PHLDB2: variants seen among roughly 807,000 people sequenced by gnomAD.
The protein encoded by PHLDB2 is pleckstrin homology-like domain family B member 2.
PHLDB2 carries 71 observed loss-of-function variants against 123.6 expected under a neutral mutation model. The observed-to-expected ratio is 0.57, with a 90% confidence interval of 0.47 to 0.70. The LOEUF is 0.70. Ranked by LOEUF, PHLDB2 falls within the 30% of genes least tolerant of loss-of-function variation. The pLI is 0.00. For missense variants in PHLDB2, 1,446 were observed against 1,519.5 expected, an observed-to-expected ratio of 0.95 and a Z score of 0.80; for synonymous variants, 547 against 541.6, an observed-to-expected ratio of 1.01 and a Z score of -0.14.
chr3:111,838,495 G>A (rs2063518852), intron 1 of PHLDB2, among the ~76,000 whole-genome samples: 1 of 152,122 alleles, frequency 6.6e-6, no homozygotes, highest in Admixed American at 6.6e-5. Context: ...GCACAGCATG[G>A]AAGTTACTTA....
At chr3:111,810,530 C>T (rs911403664) in intron 1 of PHLDB2, among the ~76,000 whole-genome samples, 6 of 152,094 alleles carry the variant, frequency 3.9e-5, no homozygotes, top group African/African-American at 1.4e-4. Context: ...GAAGAGAGGG[C>T]TCTGTCTGTC....
intron 1 of PHLDB2, among the ~76,000 whole-genome samples, chr3:111,749,763 T>C (rs1271458689): frequency 6.6e-6 from 1 of 152,248 alleles, no homozygotes; most frequent in African/African-American, 2.4e-5. Flanking sequence ...TTAACAATAG[T>C]ATCCTTGTTG....
chr3:111,826,593 A>G (rs2062663561), intron 1 of PHLDB2, among the ~76,000 whole-genome samples: 1 of 152,228 alleles, frequency 6.6e-6, no homozygotes, highest in African/African-American at 2.4e-5. Flanking sequence ...TACATTTTCT[A>G]TCAGGTAAGT....
intron 5 of PHLDB2, among the ~76,000 whole-genome samples, chr3:111,923,215 A>C (rs892741161): frequency 1.3e-5 from 2 of 152,120 alleles, no homozygotes; most frequent in African/African-American, 4.8e-5. Flanking sequence ...TGTTAAGACT[A>C]CTAAAGACCT....
intron 6 of PHLDB2, among the ~76,000 whole-genome samples, chr3:111,934,700 G>A (rs999120920): frequency 2.6e-5 from 4 of 152,146 alleles, no homozygotes; most frequent in Admixed American, 6.5e-5. Flanking sequence ...TTACCAATCT[G>A]GTAGTTGATA....
chr3:111,769,344 T>A (rs2060135804), intron 1 of PHLDB2, among the ~76,000 whole-genome samples: 1 of 152,166 alleles, frequency 6.6e-6, no homozygotes, highest in Admixed American at 6.5e-5. Context: ...AAAGTCCAAG[T>A]AAATATTCTC....
intron 2 of PHLDB2, among the ~76,000 whole-genome samples, chr3:111,885,971 C>G (rs146445533): frequency 1.1e-3 from 168 of 152,330 alleles, no homozygotes; most frequent in African/African-American, 3.9e-3. Context: ...TGATTCCAAA[C>G]TACACATACT....
intron 1 of PHLDB2, among the ~76,000 whole-genome samples, chr3:111,864,780 C>T (rs2064988947): frequency 6.6e-6 from 1 of 152,150 alleles, no homozygotes; most frequent in Non-Finnish European, 1.5e-5. Flanking sequence ...AGTGCTTTTC[C>T]TTACTTTACA....
chr3:111,876,581 T>A (rs2065632017), intron 1 of PHLDB2, among the ~76,000 whole-genome samples: 3 of 152,224 alleles, frequency 2.0e-5, no homozygotes, highest in Admixed American at 2.0e-4. Context: ...TACTTTTTTT[T>A]AAGTTATACT....
chr3:111,776,724 C>A (rs1439490220), intron 1 of PHLDB2, among the ~76,000 whole-genome samples: 1 of 152,142 alleles, frequency 6.6e-6, no homozygotes, highest in Non-Finnish European at 1.5e-5. Flanking sequence ...ATAAACTTCA[C>A]CTTCCCTTTG....
At chr3:111,947,674 G>A (rs1369251596) in intron 9 of PHLDB2, among the ~76,000 whole-genome samples, 4 of 152,168 alleles carry the variant, frequency 2.6e-5, no homozygotes, top group East Asian at 1.9e-4. Flanking sequence ...TTCTGATTCA[G>A]TATTACATAT....
At chr3:111,893,874 T>A (rs919247781) in intron 2 of PHLDB2, among the ~76,000 whole-genome samples, 11 of 53,606 alleles carry the variant, frequency 2.1e-4, no homozygotes, top group Non-Finnish European at 3.5e-4. Flanking sequence ...AACAGCACTA[T>A]TTCTTTTTTT....
chr3:111,866,475 G>A (rs56105878), intron 1 of PHLDB2, among the ~76,000 whole-genome samples: 15,560 of 152,172 alleles, frequency 0.1, 1,038 homozygotes, highest in Non-Finnish European at 0.14. Flanking sequence ...CAAGTATTTA[G>A]GTCTGGGGAA....
intron 1 of PHLDB2, among the ~76,000 whole-genome samples, chr3:111,756,603 A>T (rs1454047922): frequency 1.3e-5 from 2 of 152,030 alleles, no homozygotes; most frequent in Non-Finnish European, 2.9e-5. Context: ...TCTTTATCCA[A>T]TTTGCCAGTC....
chr3:111,913,706 ATGT>A lies in PHLDB2; in HGVS notation c.1719+7_1719+9del, dbSNP rs1559900495. ...TTATCTAAGTATCCTACCAAAGGTA[ATGT>A]TGGCCCAGCAAAGATACTAGGATTT... On this transcript the variant is annotated splice_donor_5th_base_variant and intron_variant, in intron 3 of 17. Coordinates refer to ENST00000431670, the MANE Select transcript of PHLDB2 (RefSeq NM_001134438.2). The A allele has an allele frequency of 6.2e-7, 1 of 1,606,712 alleles. No individual in the cohort carries two copies. Among genetic ancestry groups the A allele is most frequent in the Non-Finnish European group, 8.5e-7 (1 of 1,174,662 alleles).
At chr3:111,922,122 T>TAGAC (rs1283208678) in intron 5 of PHLDB2, among the ~76,000 whole-genome samples, 1 of 152,210 alleles carries the variant, frequency 6.6e-6, no homozygotes, top group Non-Finnish European at 1.5e-5. Context: ...GTAGAGTAGT[T>TAGAC]TTATTGCTAT....
At chr3:111,857,311 C>T (rs1388680843), upstream of PHLDB2, among the ~76,000 whole-genome samples, 2 of 151,900 alleles carry the variant, frequency 1.3e-5, no homozygotes, top group African/African-American at 4.8e-5. Flanking sequence ...ATTAGCTGGG[C>T]ATGGTGGTCT....
At chr3:111,756,120 T>A (rs2059884184) in intron 1 of PHLDB2, among the ~76,000 whole-genome samples, 1 of 152,040 alleles carries the variant, frequency 6.6e-6, no homozygotes, top group African/African-American at 2.4e-5. Context: ...CTGAAAAAAA[T>A]GTATATTCTG....
At chr3:111,929,232 A>G (rs1231682553) in intron 5 of PHLDB2, among the ~76,000 whole-genome samples, 3 of 152,192 alleles carry the variant, frequency 2.0e-5, no homozygotes, top group Admixed American at 6.5e-5. Flanking sequence ...TACCACTGCA[A>G]TCCAGCCTGG....
Sources: allele counts gnomAD v4.1 joint callset (sites outside exome capture counted in the v4.1 genomes callset), GRCh38; gene constraint gnomAD v4.1.1; transcripts MANE v1.5; gene names NCBI Gene and HGNC (gene_info 2026-07-23, HGNC 2026-07-21).